Variants in ARHGEF3 observed in about 807,000 individuals in gnomAD.
ARHGEF3 encodes the protein Rho guanine nucleotide exchange factor 3.
A neutral mutation model predicts 63.2 loss-of-function variants in ARHGEF3; 28 were observed. That is an observed-to-expected ratio of 0.44 (90% CI 0.33 to 0.61). ARHGEF3 has a LOEUF of 0.61. Ranked by LOEUF, ARHGEF3 falls within the 20% of genes least tolerant of loss-of-function variation. The pLI is 0.03. For missense variants in ARHGEF3, 533 were observed against 659.3 expected, an observed-to-expected ratio of 0.81 and a Z score of 2.10; for synonymous variants, 266 against 254.2, an observed-to-expected ratio of 1.05 and a Z score of -0.44.
intron 2 of ARHGEF3, among the ~76,000 whole-genome samples, chr3:57,017,949 GTAGT>G (rs1212976339): frequency 6.6e-6 from 1 of 152,230 alleles, no homozygotes; most frequent in Non-Finnish European, 1.5e-5. Flanking sequence ...AGCACATGCA[GTAGT>G]TACGCTGTGA....
intron 1 of ARHGEF3, among the ~76,000 whole-genome samples, chr3:57,070,184 A>T (rs1265818490): frequency 2.6e-5 from 4 of 152,110 alleles, no homozygotes; most frequent in East Asian, 3.8e-4. Flanking sequence ...TTCCCACCAC[A>T]CTTCTCCAGG....
intron 4 of ARHGEF3, among the ~76,000 whole-genome samples, chr3:56,857,973 G>A (rs879113070): frequency 6.6e-6 from 1 of 152,130 alleles, no homozygotes; most frequent in Admixed American, 6.5e-5. Context: ...TCTTGGTTTA[G>A]CAGCTCATGC....
chr3:57,040,321 C>CA (rs199974191), intron 1 of ARHGEF3, among the ~76,000 whole-genome samples: 26,709 of 151,836 alleles, frequency 0.18, 2,743 homozygotes, highest in Non-Finnish European at 0.24. Context: ...ACTAAAAATA[C>CA]AAAAAATTAG....
intron 4 of ARHGEF3, among the ~76,000 whole-genome samples, chr3:56,819,341 C>T (rs1397622341): frequency 2.0e-5 from 3 of 152,100 alleles, no homozygotes; most frequent in Non-Finnish European, 4.4e-5. Context: ...TAGTCCCTCC[C>T]TCATCCTTCT....
At position 56,770,772 on chromosome 3, in the gene ARHGEF3, G is replaced by A. The variant is rs554121635; in HGVS notation, c.204+2937C>T. Among the ~76,000 whole-genome samples the A allele has an allele frequency of 1.5e-3, 232 of 152,252 alleles. 1 individual carries two copies. The highest frequency in any genetic ancestry group is 5.3e-3 in the African/African-American group (220 of 41,540). ...CATTACCATTGTGAATAACTCTTCT[G>A]TTTCTGCTGGGTTGTTTCTGGCCAA... On this transcript the variant is annotated intron_variant, in intron 2 of 9. Coordinates refer to ENST00000296315, the MANE Select transcript of ARHGEF3 (RefSeq NM_019555.3).
At chr3:57,032,315 T>C (rs1703766769) in intron 2 of ARHGEF3, among the ~76,000 whole-genome samples, 1 of 152,188 alleles carries the variant, frequency 6.6e-6, no homozygotes, top group South Asian at 2.1e-4. Context: ...GACAAAGCCA[T>C]CACTTTCAAC....
intron 2 of ARHGEF3, among the ~76,000 whole-genome samples, chr3:57,014,727 C>G (rs1702908664): frequency 6.7e-6 from 1 of 150,358 alleles, no homozygotes; most frequent in Non-Finnish European, 1.5e-5. Context: ...GTCACCCAGG[C>G]TGGAGTGCAG....
intron 4 of ARHGEF3, among the ~76,000 whole-genome samples, chr3:56,809,860 G>A (rs928594067): frequency 2.0e-5 from 3 of 151,960 alleles, no homozygotes; most frequent in Non-Finnish European, 2.9e-5. Context: ...AGACTCCTGA[G>A]TAGCTGGGAT....
At position 56,967,419 on chromosome 3, in the gene ARHGEF3, CATATTATATATTATATAAT is replaced by C. The variant is rs1298113689; in HGVS notation, c.63-8549_63-8531del. On this transcript the variant is annotated intron_variant, in intron 2 of 12. Coordinates refer to the ARHGEF3 transcript ENST00000338458. ...ATTATATAATATATTATATATTATACATATTATATATTATATAATATATTATATATTATACATATTATAT... is the reference window on the plus strand; with the variant it reads ...ATTATATAATATATTATATATTATACATATTATATATTATACATATTATAT... 1.9e-4 allele frequency among the ~76,000 whole-genome samples: 12 copies of C among 62,164 alleles called. 2 individuals carry two copies. Among genetic ancestry groups the C allele is most frequent in the African/African-American group, 7.3e-4 (11 of 15,044 alleles). The allele number at this position is 62,164 out of a possible 152,430, so 40.8% of individuals were successfully genotyped here. A position where few individuals can be genotyped will look rare whatever the true frequency, so the allele number is the denominator to read the frequency against.
intron 1 of ARHGEF3, chr3:57,074,199 A>G (rs141941762): frequency 1.2e-6 from 2 of 1,613,976 alleles, no homozygotes; most frequent in African/African-American, 2.7e-5. Context: ...ACTGACATTT[A>G]CTGAGGGCTG....
At chr3:57,032,233 G>A (rs559639942) in intron 2 of ARHGEF3, among the ~76,000 whole-genome samples, 1 of 152,310 alleles carries the variant, frequency 6.6e-6, no homozygotes, top group Admixed American at 6.5e-5. Context: ...GGGTGAGGCT[G>A]CCATCCCTAA....
intron 3 of ARHGEF3, among the ~76,000 whole-genome samples, chr3:56,948,632 A>G (rs1213266500): frequency 5.3e-5 from 8 of 152,226 alleles, no homozygotes; most frequent in African/African-American, 1.9e-4. Flanking sequence ...TTGAGGCAAT[A>G]ATTAATAGCT....
chr3:56,941,531 C>A (rs559438029), intron 3 of ARHGEF3, among the ~76,000 whole-genome samples: 9 of 152,324 alleles, frequency 5.9e-5, no homozygotes, highest in African/African-American at 2.2e-4. Flanking sequence ...CAATGAAACA[C>A]CCCGATGTGT....
intron 4 of ARHGEF3, among the ~76,000 whole-genome samples, chr3:56,853,563 C>T (rs1326303386): frequency 6.6e-6 from 1 of 152,158 alleles, no homozygotes; most frequent in Non-Finnish European, 1.5e-5. Flanking sequence ...TCTCGAACTC[C>T]TGACCTGATG....
At chr3:56,860,434 C>T (rs1369135426) in intron 4 of ARHGEF3, among the ~76,000 whole-genome samples, 1 of 152,202 alleles carries the variant, frequency 6.6e-6, no homozygotes, top group Non-Finnish European at 1.5e-5. Context: ...CCTTCCACCT[C>T]AGCCTCCCAA....
intron 4 of ARHGEF3, among the ~76,000 whole-genome samples, chr3:56,878,717 C>T (rs773147501): frequency 2.0e-5 from 3 of 152,096 alleles, no homozygotes; most frequent in Non-Finnish European, 4.4e-5. Flanking sequence ...GTGATGCATC[C>T]CCCCAAACAA....
intron 4 of ARHGEF3, among the ~76,000 whole-genome samples, chr3:56,829,540 T>C (rs2038854922): frequency 6.6e-6 from 1 of 152,158 alleles, no homozygotes; most frequent in Admixed American, 6.5e-5. Flanking sequence ...AGAAATAAAA[T>C]GCCCTTCCCA....
At chr3:56,755,917 C>T (rs1251317677) in intron 2 of ARHGEF3, among the ~76,000 whole-genome samples, 1 of 152,226 alleles carries the variant, frequency 6.6e-6, no homozygotes, top group Non-Finnish European at 1.5e-5. Flanking sequence ...CTGGATCCCA[C>T]TGTGCCTGAA....
At chr3:57,037,902 A>AAAACAAAACC (rs1704029437) in intron 1 of ARHGEF3, among the ~76,000 whole-genome samples, 1 of 110,618 alleles carries the variant, frequency 9.0e-6, no homozygotes, top group Non-Finnish European at 2.1e-5. Flanking sequence ...AAAACAAAAC[A>AAAACAAAACC]AAACCCATCA....
Sources: allele counts gnomAD v4.1 joint callset (sites outside exome capture counted in the v4.1 genomes callset), GRCh38; gene constraint gnomAD v4.1.1; transcripts MANE v1.5; gene names NCBI Gene and HGNC (gene_info 2026-07-23, HGNC 2026-07-21).